Variants in NBEA observed in about 807,000 individuals in gnomAD.
The protein encoded by NBEA is neurobeachin.
NBEA carries 44 observed loss-of-function variants against 343.4 expected under a neutral mutation model. The ratio of observed to expected loss-of-function variants is 0.13; its 90% CI spans 0.10 to 0.16. NBEA has a LOEUF of 0.16. Ranked by LOEUF, NBEA falls within the 10% of genes least tolerant of loss-of-function variation. NBEA has a pLI of 1.00. For missense variants in NBEA, 2,555 were observed against 3,631.3 expected (o/e 0.70, Z 7.62); for synonymous variants, 1,175 against 1,238.7 (o/e 0.95, Z 1.08).
At chr13:35,113,984 T>C (rs2066367712) in intron 13 of NBEA, among the ~76,000 whole-genome samples, 1 of 152,184 alleles carries the variant, frequency 6.6e-6, no homozygotes, top group Non-Finnish European at 1.5e-5. Context: ...AAGTTTTTAA[T>C]ACTATTTTAC....
chr13:35,421,800 G>A (rs1050763532), intron 38 of NBEA, among the ~76,000 whole-genome samples: 1 of 152,070 alleles, frequency 6.6e-6, no homozygotes, highest in Non-Finnish European at 1.5e-5. Context: ...ATTTGGGGTT[G>A]ACGGTTCTTC....
At chr13:35,650,857 C>T (rs7336206) in intron 52 of NBEA, among the ~76,000 whole-genome samples, 1,819 of 152,236 alleles carry the variant, frequency 0.012, 33 homozygotes, top group African/African-American at 0.042. Context: ...AATAGCTGAG[C>T]CATGCCGAAG....
intron 10 of NBEA, among the ~76,000 whole-genome samples, chr13:35,080,186 T>C (rs954065423): frequency 2.0e-5 from 3 of 152,142 alleles, no homozygotes; most frequent in Non-Finnish European, 4.4e-5. Context: ...TAAAAAATTG[T>C]TTATTTCCAT....
At chr13:35,114,264 C>G (rs1190214985) in intron 13 of NBEA, among the ~76,000 whole-genome samples, 1 of 152,176 alleles carries the variant, frequency 6.6e-6, no homozygotes, top group African/African-American at 2.4e-5. Flanking sequence ...GCAGTACCTT[C>G]AATTCCAGTC....
chr13:34,977,149 A>C (rs555318382), intron 1 of NBEA, among the ~76,000 whole-genome samples: 1 of 152,136 alleles, frequency 6.6e-6, no homozygotes, highest in African/African-American at 2.4e-5. Flanking sequence ...CTTGTTGGTC[A>C]GGCTGGTCTC....
intron 33 of NBEA, among the ~76,000 whole-genome samples, chr13:35,231,953 G>A (rs1489704026): frequency 6.6e-6 from 1 of 152,072 alleles, no homozygotes; most frequent in African/African-American, 2.4e-5. Context: ...AAATTCAACA[G>A]TGAACTATAT....
At chr13:35,435,059 A>T (rs2045347918) in intron 39 of NBEA, among the ~76,000 whole-genome samples, 1 of 151,948 alleles carries the variant, frequency 6.6e-6, no homozygotes, top group Non-Finnish European at 1.5e-5. Context: ...ACGGAATTTC[A>T]CTCTTGTTGC....
chr13:35,622,060 G>GA (rs915570893), intron 48 of NBEA, among the ~76,000 whole-genome samples: 1 of 152,120 alleles, frequency 6.6e-6, no homozygotes, highest in Non-Finnish European at 1.5e-5. Context: ...GAAATTCATA[G>GA]AAAAAAACAA....
chr13:35,174,667 T>C (rs1566409446), intron 27 of NBEA, among the ~76,000 whole-genome samples: 3 of 152,184 alleles, frequency 2.0e-5, no homozygotes, highest in Non-Finnish European at 4.4e-5. Context: ...ATAGTGCTCT[T>C]ATTTGGTTTG....
At chr13:35,065,739 A>G (rs1469438027) in intron 8 of NBEA, among the ~76,000 whole-genome samples, 2 of 152,150 alleles carry the variant, frequency 1.3e-5, no homozygotes, top group Admixed American at 1.3e-4. Flanking sequence ...GCACTATCCC[A>G]GTCAGTTTTT....
intron 41 of NBEA, among the ~76,000 whole-genome samples, chr13:35,481,257 G>A (rs2076110018): frequency 6.6e-6 from 1 of 151,884 alleles, no homozygotes; most frequent in Non-Finnish European, 1.5e-5. Flanking sequence ...AAAAATGGAA[G>A]TTGGGAGTAT....
intron 49 of NBEA, among the ~76,000 whole-genome samples, chr13:35,641,129 A>G (rs1209801966): frequency 6.6e-6 from 1 of 152,186 alleles, no homozygotes; most frequent in Non-Finnish European, 1.5e-5. Flanking sequence ...TTTGATATAT[A>G]CAAGTTTTAT....
At chr13:35,652,307 C>A (rs1263634419) in intron 53 of NBEA, among the ~76,000 whole-genome samples, 3 of 148,018 alleles carry the variant, frequency 2.0e-5, no homozygotes, top group African/African-American at 7.6e-5. Context: ...AACAAACCTG[C>A]ACATTGTGCA....
chr13:35,015,101 C>G (rs1011782148), intron 1 of NBEA, among the ~76,000 whole-genome samples: 1 of 141,950 alleles, frequency 7.0e-6, no homozygotes, highest in African/African-American at 2.6e-5. Flanking sequence ...TGCCGCCTCC[C>G]TTCTCAACAA....
chr13:35,512,302 A>G (rs975561292), intron 41 of NBEA, among the ~76,000 whole-genome samples: 9 of 152,340 alleles, frequency 5.9e-5, no homozygotes, highest in Non-Finnish European at 1.3e-4. Context: ...AATATTCTGT[A>G]TCCTGGGATT....
intron 16 of NBEA, among the ~76,000 whole-genome samples, chr13:35,119,534 A>G (rs551355974): frequency 1.3e-5 from 2 of 152,174 alleles, no homozygotes; most frequent in Non-Finnish European, 2.9e-5. Flanking sequence ...TAGGGCTGCC[A>G]ATCTATTTGA....
intron 11 of NBEA, among the ~76,000 whole-genome samples, chr13:35,100,506 G>C (rs546456863): frequency 1.3e-5 from 2 of 152,070 alleles, no homozygotes; most frequent in African/African-American, 4.8e-5. Context: ...GATAACATAT[G>C]AAATGCCTTT....
intron 10 of NBEA, among the ~76,000 whole-genome samples, chr13:35,077,744 G>C (rs188530168): frequency 1.6e-4 from 24 of 152,170 alleles, no homozygotes; most frequent in African/African-American, 5.5e-4. Context: ...TCATTCACTG[G>C]TTTCCTGTTG....
chr13:35,572,713 TTTGTTG>T (rs151081649), intron 45 of NBEA, among the ~76,000 whole-genome samples: 124,874 of 150,250 alleles, frequency 0.83, 53,288 homozygotes, highest in Non-Finnish European at 0.92. Context: ...GCAAGTTGGG[TTTGTTG>T]TTGTTGTTGT....
Sources: gnomAD v4.1 joint callset for allele counts (sites outside exome capture counted in the v4.1 genomes callset) on GRCh38, gnomAD v4.1.1 for gene constraint, MANE v1.5 for transcripts, NCBI Gene and HGNC (gene_info 2026-07-23, HGNC 2026-07-21) for gene names.